PIEZO2: variants seen among roughly 807,000 people sequenced by gnomAD.
PIEZO2 encodes piezo type mechanosensitive ion channel component 2.
Under a neutral mutation model 337.3 loss-of-function variants are expected in PIEZO2, and 172 were observed. The ratio of observed to expected loss-of-function variants is 0.51; its 90% confidence interval spans 0.45 to 0.58. The LOEUF (loss-of-function observed/expected upper bound fraction) is 0.58, where lower values mean the gene tolerates loss of function less well. Ranked by LOEUF, PIEZO2 falls within the 20% of genes least tolerant of loss-of-function variation. PIEZO2 has a pLI of 0.00. For missense variants in PIEZO2, 3,028 were observed against 3,391.3 expected, an observed-to-expected ratio of 0.89 and a Z score of 2.66; for synonymous variants, 1,251 against 1,228.5, an observed-to-expected ratio of 1.02 and a Z score of -0.38.
At chr18:10,743,488 T>A (rs1482704077) in intron 31 of PIEZO2, among the ~76,000 whole-genome samples, 2 of 152,038 alleles carry the variant, frequency 1.3e-5, no homozygotes, top group African/African-American at 4.8e-5. Flanking sequence ...GTCTCCGGAG[T>A]GGAGTCAGTC....
chr18:10,734,642 T>TTATTCA (rs1017001650), intron 35 of PIEZO2, among the ~76,000 whole-genome samples: 5 of 152,286 alleles, frequency 3.3e-5, no homozygotes, highest in African/African-American at 1.2e-4. Flanking sequence ...ACTTCAACTG[T>TTATTCA]GCATTAGGTT....
At chr18:10,786,730 C>T (rs2039237391) in intron 16 of PIEZO2, among the ~76,000 whole-genome samples, 1 of 152,198 alleles carries the variant, frequency 6.6e-6, no homozygotes, top group Non-Finnish European at 1.5e-5. Context: ...TACTTAAGAA[C>T]TGAAGAACTG....
rs2035064559 is a variant in PIEZO2 at position 10,696,018 on chromosome 18, C to G, written c.7190+56G>C. On this transcript the variant is annotated intron_variant, in intron 47 of 55. Coordinates refer to ENST00000674853, the MANE Select transcript of PIEZO2 (RefSeq NM_001378183.1). ...TGTGCAATGCATGCGAGTATCACCT[C>G]AGGAAACACAGTTGCATGGAGGCAG... 6.6e-6 allele frequency: 10 copies of G among 1,516,644 alleles called. No individual in the cohort carries two copies. The South Asian group carries it at 1.1e-4, about 17-fold the overall frequency. The allele number at this position is 1,516,644 out of a possible 1,614,324, so 93.9% of individuals were successfully genotyped here.
chr18:11,123,392 C>T (rs761161452), intron 1 of PIEZO2, among the ~76,000 whole-genome samples: 8 of 152,124 alleles, frequency 5.3e-5, no homozygotes, highest in Non-Finnish European at 1.2e-4. Context: ...AAAAATCTGC[C>T]ATATGCTGTT....
At chr18:11,100,797 G>A (rs554314165) in intron 1 of PIEZO2, among the ~76,000 whole-genome samples, 52 of 152,120 alleles carry the variant, frequency 3.4e-4, no homozygotes, top group South Asian at 1.2e-3. Flanking sequence ...GGGTTTCACC[G>A]TGTTAGCCAG....
In PIEZO2 at chr18:10,894,075, A is replaced by T. The variant is rs1018874235; in HGVS notation, c.329+17111T>A. The stretch of plus-strand genomic sequence containing the variant: ...GCAAGGAAAGGCCGTCTCCGTATAG[A>T]TAGAAAGACACCCGAAACTGGTGAT... On this transcript the variant is annotated intron_variant, in intron 4 of 55. Coordinates refer to ENST00000674853, the MANE Select transcript of PIEZO2 (RefSeq NM_001378183.1). The surrounding 1 kb of genome is among the most constrained non-coding windows in gnomAD (Gnocchi z 4.1). Among the ~76,000 whole-genome samples the T allele has an allele frequency of 2.0e-5, 3 of 152,184 alleles. No individual in the cohort carries two copies. The highest frequency in any genetic ancestry group is 7.2e-5 in the African/African-American group (3 of 41,440).
chr18:11,070,545 C>T lies in PIEZO2; in HGVS notation c.65-4323G>A, dbSNP rs761294443. ...AAAAAAGCAGCAGAAAAATTCGAGACGGATATGAGAAAAACCAGGAAAGCC... is the reference window on the plus strand; with the variant it reads ...AAAAAAGCAGCAGAAAAATTCGAGATGGATATGAGAAAAACCAGGAAAGCC... On this transcript the variant is annotated intron_variant, in intron 1 of 55. Transcript: ENST00000674853. The surrounding 1 kb of genome is among the most constrained non-coding windows in gnomAD (Gnocchi z 4.3). Among the ~76,000 whole-genome samples the T allele has an allele frequency of 3.3e-5, 5 of 152,058 alleles. No homozygotes were observed. Among genetic ancestry groups the T allele is most frequent in the Non-Finnish European group, 5.9e-5 (4 of 68,028 alleles).
intron 21 of PIEZO2, among the ~76,000 whole-genome samples, chr18:10,764,890 G>A (rs1249643378): frequency 6.6e-6 from 1 of 152,186 alleles, no homozygotes; most frequent in East Asian, 1.9e-4. Context: ...TTCCTCCATA[G>A]TCATCAACAA....
At position 11,121,664 on chromosome 18, in the gene PIEZO2, T is replaced by C. The variant is rs554134680; in HGVS notation, c.64+26861A>G. Reference sequence around the variant, plus strand: ...CGGTGCTCCCCAGCCTTCTCAAATATCTCTTGGCAAGGCTTTCATTTGAAT... The same window carrying C: ...CGGTGCTCCCCAGCCTTCTCAAATACCTCTTGGCAAGGCTTTCATTTGAAT... On this transcript the variant is annotated intron_variant, in intron 1 of 55. Transcript: ENST00000674853. Among the ~76,000 whole-genome samples the C allele has an allele frequency of 5.3e-5, 8 of 152,314 alleles. No homozygotes were observed. In the East Asian group the frequency reaches 1.4e-3, roughly 26 times the overall value.
At position 10,833,369 on chromosome 18, in the gene PIEZO2, T is replaced by C. The variant is rs983675516; in HGVS notation, c.917+21984A>G. ...GGAGCCCACTGTGACACCTGCAGCCTCGCCCTCTCCTGTTGGAATCATGTG... is the reference window on the plus strand; with the variant it reads ...GGAGCCCACTGTGACACCTGCAGCCCCGCCCTCTCCTGTTGGAATCATGTG... On this transcript the variant is annotated intron_variant, in intron 7 of 55. Coordinates refer to ENST00000674853, the MANE Select transcript of PIEZO2 (RefSeq NM_001378183.1). The surrounding 1 kb of genome is among the most constrained non-coding windows in gnomAD (Gnocchi z 4.7). 6.6e-6 allele frequency among the ~76,000 whole-genome samples: 1 copy of C among 152,112 alleles called. No individual in the cohort carries two copies. Among genetic ancestry groups the C allele is most frequent in the Non-Finnish European group, 1.5e-5 (1 of 68,006 alleles).
intron 3 of PIEZO2, among the ~76,000 whole-genome samples, chr18:10,956,543 T>C (rs930537621): frequency 6.6e-6 from 1 of 152,206 alleles, no homozygotes; most frequent in African/African-American, 2.4e-5. Context: ...TTAAAATTTG[T>C]ATGGAGCAAC....
At chr18:10,792,592 G>GTA (rs2039442174) in intron 13 of PIEZO2, among the ~76,000 whole-genome samples, 1 of 152,142 alleles carries the variant, frequency 6.6e-6, no homozygotes, top group Admixed American at 6.5e-5. Flanking sequence ...TGATCCACTG[G>GTA]TAGCATGCAC....
At position 11,132,177 on chromosome 18, in the gene PIEZO2, G is replaced by T. The variant is rs2040358824; in HGVS notation, c.64+16348C>A. ...AGACACTTACTCTGTATATAGGTTT[G>T]CCTGTCCTGCATGCAATGCTTCTGC... On this transcript the variant is annotated intron_variant, in intron 1 of 55. Transcript: ENST00000674853. The surrounding 1 kb of genome is among the most constrained non-coding windows in gnomAD (Gnocchi z 4.7). Among the ~76,000 whole-genome samples the T allele has an allele frequency of 6.6e-6, 1 of 152,186 alleles. No individual in the cohort carries two copies. The highest frequency in any genetic ancestry group is 1.5e-5 in the Non-Finnish European group (1 of 68,028).
At position 10,828,226 on chromosome 18, in the gene PIEZO2, T is replaced by C. The variant is rs2040739190; in HGVS notation, c.918-20952A>G. 6.6e-6 allele frequency among the ~76,000 whole-genome samples: 1 copy of C among 151,940 alleles called. No individual in the cohort carries two copies. The highest frequency in any genetic ancestry group is 2.4e-5 in the African/African-American group (1 of 41,372). ...CAAAGTTCAACAGTTTGAGACAGGATGTTGAAGTACTATTTGATAGAAAAT... is the reference window on the plus strand; with the variant it reads ...CAAAGTTCAACAGTTTGAGACAGGACGTTGAAGTACTATTTGATAGAAAAT... On this transcript the variant is annotated intron_variant, in intron 7 of 55. Coordinates refer to ENST00000674853, the MANE Select transcript of PIEZO2 (RefSeq NM_001378183.1). This position sits in a 1 kb window ranked among gnomAD's most constrained non-coding sequence, Gnocchi z 4.1.
At position 10,859,005 on chromosome 18, in the gene PIEZO2, C is replaced by T. The variant is rs749837784; in HGVS notation, c.493-1794G>A. Among the ~76,000 whole-genome samples the T allele has an allele frequency of 3.3e-5, 5 of 152,162 alleles. No homozygotes were observed. Among genetic ancestry groups the T allele is most frequent in the Admixed American group, 6.5e-5 (1 of 15,274 alleles). On this transcript the variant is annotated intron_variant, in intron 5 of 55. Coordinates refer to ENST00000674853, the MANE Select transcript of PIEZO2 (RefSeq NM_001378183.1). This position sits in a 1 kb window ranked among gnomAD's most constrained non-coding sequence, Gnocchi z 4.9. ...ATAGGAAGAGATATAGCAATAAACA[C>T]GTAAACAAGTAAAATATTAACCAGC...
Position 10,952,442 on chromosome 18 carries a change from T to C in PIEZO2, c.286+27093A>G, listed in dbSNP as rs1443217797. Among the ~76,000 whole-genome samples the C allele has an allele frequency of 6.6e-6, 1 of 152,204 alleles. No homozygotes were observed. The highest frequency in any genetic ancestry group is 1.5e-5 in the Non-Finnish European group (1 of 68,026). ...GCACTTTCTACCCTTACAGTTTCAC[T>C]AATTATTGTAAATATAATCATATAG... On this transcript the variant is annotated intron_variant, in intron 3 of 55. Transcript: ENST00000674853. The surrounding 1 kb of genome is among the most constrained non-coding windows in gnomAD (Gnocchi z 4.1).
intron 5 of PIEZO2, among the ~76,000 whole-genome samples, chr18:10,865,700 T>C (rs983588697): frequency 3.9e-5 from 6 of 152,092 alleles, no homozygotes; most frequent in African/African-American, 1.4e-4. Context: ...TTACATTAAG[T>C]GGGTGGAAAT....
chr18:10,922,784 A>T (rs2031506824), intron 3 of PIEZO2, among the ~76,000 whole-genome samples: 1 of 152,158 alleles, frequency 6.6e-6, no homozygotes, highest in Non-Finnish European at 1.5e-5. Flanking sequence ...ACATAAATGC[A>T]GTTATTACAA....
At position 11,111,665 on chromosome 18, in the gene PIEZO2, C is replaced by T. The variant is rs972822522; in HGVS notation, c.64+36860G>A. Among the ~76,000 whole-genome samples, 1 of 152,172 alleles carries T rather than the reference C, an allele frequency of 6.6e-6. No homozygotes were observed. The highest frequency in any genetic ancestry group is 2.4e-5 in the African/African-American group (1 of 41,420). On this transcript the variant is annotated intron_variant, in intron 1 of 55. Coordinates refer to ENST00000674853, the MANE Select transcript of PIEZO2 (RefSeq NM_001378183.1). This position sits in a 1 kb window ranked among gnomAD's most constrained non-coding sequence, Gnocchi z 6.2. ...CTTCCTCTCTCCTGTGCTCACATGA[C>T]ATCCAATCCCCACTTAATTGAAGTC...
Sources: gnomAD v4.1 joint callset for allele counts (sites outside exome capture counted in the v4.1 genomes callset) on GRCh38, gnomAD v4.1.1 for gene constraint, Gnocchi (gnomAD v3.1) non-coding constraint, MANE v1.5 for transcripts, NCBI Gene and HGNC (gene_info 2026-07-23, HGNC 2026-07-21) for gene names.